HCN1: variants seen among roughly 807,000 people sequenced by gnomAD.
The protein encoded by HCN1 is potassium/sodium hyperpolarization-activated cyclic nucleotide-gated channel 1.
In HCN1, 13 loss-of-function variants were observed where a neutral mutation model predicts 78.9. The observed-to-expected ratio is 0.16, with a 90% confidence interval of 0.11 to 0.26. HCN1 has a LOEUF of 0.26. Among genes scored for constraint, HCN1 ranks in the 10% least tolerant of loss-of-function variants. HCN1 has a pLI of 1.00. For missense variants in HCN1, 810 were observed against 1,154.3 expected (o/e 0.70, Z 4.32); for synonymous variants, 552 against 455.5 (o/e 1.21, Z -2.70).
chr5:45,358,978 A>C (rs528126042), intron 4 of HCN1, among the ~76,000 whole-genome samples: 111 of 151,932 alleles, frequency 7.3e-4, no homozygotes, highest in Admixed American at 1.6e-3. Flanking sequence ...TTCTGCTCTA[A>C]CTCTGACAAT....
At chr5:45,338,633 C>A (rs1011234949) in intron 5 of HCN1, among the ~76,000 whole-genome samples, 1 of 152,056 alleles carries the variant, frequency 6.6e-6, no homozygotes, top group African/African-American at 2.4e-5. Flanking sequence ...AACAGTGACC[C>A]AAACACACCT....
intron 1 of HCN1, among the ~76,000 whole-genome samples, chr5:45,668,219 T>G (rs1246837008): frequency 6.6e-6 from 1 of 151,974 alleles, no homozygotes; most frequent in Non-Finnish European, 1.5e-5. Context: ...TGATATGGTT[T>G]GGCTCTGTGT....
chr5:45,593,370 A>ACACACCCC (rs1554034748), intron 2 of HCN1, among the ~76,000 whole-genome samples: 4 of 135,114 alleles, frequency 3.0e-5, no homozygotes, highest in African/African-American at 1.1e-4. Context: ...ACACACACAC[A>ACACACCCC]CCCCACATGT....
intron 4 of HCN1, among the ~76,000 whole-genome samples, chr5:45,374,307 A>T (rs1008231461): frequency 8.0e-5 from 7 of 87,938 alleles, no homozygotes; most frequent in African/African-American, 3.6e-4. Context: ...TATTGTATAC[A>T]TTATATACAT....
chr5:45,657,478 C>A (rs977233904), intron 1 of HCN1, among the ~76,000 whole-genome samples: 3 of 152,094 alleles, frequency 2.0e-5, no homozygotes, highest in South Asian at 2.1e-4. Flanking sequence ...AGATGTTGCA[C>A]TTGCTTTTTT....
intron 5 of HCN1, 30 bp from the exon 6 acceptor site, chr5:45,303,869 A>C (rs1344172339): frequency 6.3e-7 from 1 of 1,589,026 alleles, no homozygotes; most frequent in Non-Finnish European, 8.6e-7. Context: ...ACAAATATTA[A>C]GAGAGATATT....
chr5:45,579,596 A>G (rs533584633), intron 2 of HCN1, among the ~76,000 whole-genome samples: 1 of 152,262 alleles, frequency 6.6e-6, no homozygotes, highest in Non-Finnish European at 1.5e-5. Flanking sequence ...CAAACAAAAA[A>G]GTGAATAAGT....
In HCN1 at chr5:45,475,567, T is replaced by C. The variant is rs568666789; in HGVS notation, c.850-13560A>G. On this transcript the variant is annotated intron_variant, in intron 2 of 7. Transcript: ENST00000303230. ...ATTGAATTGCCATGATTTAACTTAA[T>C]AGAATTCAGTATTTCTGACAAGTTC... Among the ~76,000 whole-genome samples, 15 of 152,218 alleles carry C rather than the reference T, an allele frequency of 9.9e-5. No individual in the cohort carries two copies. The South Asian group carries it at 2.9e-3, about 29-fold the overall frequency.
chr5:45,652,608 ATATAGT>A (rs1745694892), intron 1 of HCN1, among the ~76,000 whole-genome samples: 1 of 152,052 alleles, frequency 6.6e-6, no homozygotes, highest in Non-Finnish European at 1.5e-5. Context: ...TATGCAGGAT[ATATAGT>A]TACAAATAAC....
At chr5:45,440,080 T>C (rs1312648433) in intron 3 of HCN1, among the ~76,000 whole-genome samples, 2 of 150,358 alleles carry the variant, frequency 1.3e-5, no homozygotes, top group African/African-American at 4.9e-5. Context: ...CAACCTCAAT[T>C]TGGAGTAAAA....
intron 4 of HCN1, among the ~76,000 whole-genome samples, chr5:45,393,311 A>G (rs1739621603): frequency 6.6e-6 from 1 of 152,164 alleles, no homozygotes; most frequent in Non-Finnish European, 1.5e-5. Flanking sequence ...CTATTACTAT[A>G]GTTATTTGAT....
At chr5:45,284,117 A>G (rs1386951405) in intron 6 of HCN1, among the ~76,000 whole-genome samples, 1 of 152,054 alleles carries the variant, frequency 6.6e-6, no homozygotes, top group African/African-American at 2.4e-5. Context: ...CAAAGAAGGG[A>G]ACAGATACTG....
At chr5:45,586,216 C>T (rs1446193097) in intron 2 of HCN1, among the ~76,000 whole-genome samples, 1 of 152,112 alleles carries the variant, frequency 6.6e-6, no homozygotes, top group Non-Finnish European at 1.5e-5. Context: ...ACTCAAGCCT[C>T]GGCAATGGCG....
At chr5:45,644,853 C>T (rs999570781) in intron 2 of HCN1, 2 of 324,112 alleles carry the variant, frequency 6.2e-6, no homozygotes, top group Admixed American at 4.6e-5. Flanking sequence ...AATAATGGTA[C>T]TTGATGTATT....
intron 5 of HCN1, among the ~76,000 whole-genome samples, chr5:45,351,697 C>T (rs1364617830): frequency 6.9e-6 from 1 of 145,906 alleles, no homozygotes; most frequent in Non-Finnish European, 1.5e-5. Context: ...ACAAACAACC[C>T]CATCAAAAAG....
chr5:45,627,594 A>G (rs569428695), intron 2 of HCN1, among the ~76,000 whole-genome samples: 1 of 152,302 alleles, frequency 6.6e-6, no homozygotes, highest in Non-Finnish European at 1.5e-5. Flanking sequence ...CAAATTTTTA[A>G]GTCACTTTTT....
intron 5 of HCN1, among the ~76,000 whole-genome samples, chr5:45,335,330 T>C (rs1746431504): frequency 6.6e-6 from 1 of 152,106 alleles, no homozygotes; most frequent in Non-Finnish European, 1.5e-5. Context: ...TTCTATTAGG[T>C]TCTACTAATG....
intron 4 of HCN1, among the ~76,000 whole-genome samples, chr5:45,384,332 AG>A (rs772908926): frequency 2.0e-5 from 3 of 152,190 alleles, no homozygotes; most frequent in Non-Finnish European, 4.4e-5. Flanking sequence ...ATATAGTCAC[AG>A]AAAATCTTTG....
chr5:45,387,392 T>C (rs1747945990), intron 4 of HCN1, among the ~76,000 whole-genome samples: 2 of 152,114 alleles, frequency 1.3e-5, no homozygotes, highest in South Asian at 4.1e-4. Context: ...CGTTAGTGAT[T>C]CACAATAAAT....
Sources: gnomAD v4.1 joint callset for allele counts (sites outside exome capture counted in the v4.1 genomes callset) on GRCh38, gnomAD v4.1.1 for gene constraint, MANE v1.5 for transcripts, NCBI Gene and HGNC (gene_info 2026-07-23, HGNC 2026-07-21) for gene names.